Variants in TEKT5 observed in about 807,000 individuals in gnomAD.
TEKT5 encodes the protein tektin-5.
TEKT5 carries 52 observed loss-of-function variants against 48.7 expected under a neutral mutation model. The ratio of observed to expected loss-of-function variants is 1.07; its 90% CI spans 0.86 to 1.35. The LOEUF (loss-of-function observed/expected upper bound fraction) is 1.35, where lower values mean the gene tolerates loss of function less well. Among genes scored for constraint, TEKT5 ranks in the 40% most tolerant of loss-of-function variants. TEKT5 has a pLI of 0.00. For synonymous variants in TEKT5, 318 were observed against 267.6 expected, an observed-to-expected ratio of 1.19 and a Z score of -1.84; for missense variants, 831 against 641.6, an observed-to-expected ratio of 1.30 and a Z score of -3.19.
At chr16:10,663,937 C>A (rs4238601) in intron 5 of TEKT5, among the ~76,000 whole-genome samples, 1 of 151,968 alleles carries the variant, frequency 6.6e-6, no homozygotes, top group Non-Finnish European at 1.5e-5. Flanking sequence ...GTCAGGCCAG[C>A]ACATGCATCA....
rs749405752 is a variant in TEKT5, at chr16:10,694,342, A to G, written c.532T>C (p.Cys178Arg). ...NLETVKRRLE[C>R]AANEVNCPLQ... ...GGGCAGTTCACCTCATTGGCCGCGCACTCCAGCCGCCTCTTGACCGTCTCC... is the reference window on the plus strand; with the variant it reads ...GGGCAGTTCACCTCATTGGCCGCGCGCTCCAGCCGCCTCTTGACCGTCTCC... Residue 178 changes from cysteine to arginine, a missense_variant, in exon 1 of 7, where the codon TGC becomes CGC. Cys to Arg is a radical substitution (Grantham distance 180, BLOSUM62 -3). Transcript: ENST00000283025. 1.9e-6 allele frequency: 3 copies of G among 1,609,794 alleles called. No homozygotes were observed. The highest frequency in any genetic ancestry group is 2.5e-6 in the Non-Finnish European group (3 of 1,177,842).
rs1898529864 is a variant in TEKT5, at chr16:10,670,358, C to T, written c.1086+5601G>A. On this transcript the variant is annotated intron_variant, in intron 5 of 6. Coordinates refer to ENST00000283025, the MANE Select transcript of TEKT5 (RefSeq NM_144674.2). ...CCTGGTCAACATGGTGAAACCTCAT[C>T]TCTACTAAAAATACAAAAATTAGCC... 3.9e-5 allele frequency among the ~76,000 whole-genome samples: 6 copies of T among 152,166 alleles called. No homozygotes were observed. In the South Asian group the frequency reaches 1.2e-3, roughly 32 times the overall value.
At chr16:10,654,955 C>T (rs1431960746) in intron 5 of TEKT5, among the ~76,000 whole-genome samples, 1 of 126,556 alleles carries the variant, frequency 7.9e-6, no homozygotes, top group Admixed American at 8.0e-5. Context: ...CCCCCCCCCC[C>T]CAGTCTGTGA....
Position 10,637,709 on chromosome 16 carries a change from C to T in TEKT5, c.1087-1791G>A, listed in dbSNP as rs73507946. On this transcript the variant is annotated intron_variant, in intron 5 of 6. Transcript: ENST00000283025. ...TCCATCAAGCTGTAAGCTTTACTGA[C>T]TGTGATGCCTCAACAGAAAATACAA... Among the ~76,000 whole-genome samples, 394 of 152,354 alleles carry T rather than the reference C, an allele frequency of 2.6e-3. 4 individuals are homozygous for T. Among genetic ancestry groups the T allele is most frequent in the African/African-American group, 9.2e-3 (381 of 41,570 alleles).
intron 5 of TEKT5, among the ~76,000 whole-genome samples, chr16:10,669,300 C>A (rs1405197539): frequency 2.0e-5 from 3 of 148,878 alleles, no homozygotes; most frequent in African/African-American, 7.4e-5. Context: ...ACTAAATATA[C>A]AAAAAAAAAA....
At chr16:10,682,186 C>G (rs1222506504) in intron 3 of TEKT5, 50 bp from the exon 4 acceptor site, 1 of 1,588,378 alleles carries the variant, frequency 6.3e-7, no homozygotes, top group Non-Finnish European at 8.6e-7. Context: ...CACAGAGTAC[C>G]CAGCTTGGGC....
chr16:10,652,783 C>T (rs112223738), intron 5 of TEKT5, among the ~76,000 whole-genome samples: 23 of 110,224 alleles, frequency 2.1e-4, no homozygotes, highest in African/African-American at 3.6e-4. Context: ...CACACACACA[C>T]ACACACACAC....
At chr16:10,662,897 T>G (rs1255845025) in intron 5 of TEKT5, among the ~76,000 whole-genome samples, 4 of 152,184 alleles carry the variant, frequency 2.6e-5, no homozygotes, top group Non-Finnish European at 4.4e-5. Context: ...TAAGTAAAGC[T>G]CTCAGTAAGG....
chr16:10,672,239 A>G (rs1898560546), intron 5 of TEKT5, among the ~76,000 whole-genome samples: 1 of 152,176 alleles, frequency 6.6e-6, no homozygotes, highest in South Asian at 2.1e-4. Context: ...TAAGGCATTC[A>G]TTCATGCATG....
intron 5 of TEKT5, among the ~76,000 whole-genome samples, chr16:10,667,637 T>G (rs1898480539): frequency 6.6e-6 from 1 of 152,202 alleles, no homozygotes; most frequent in African/African-American, 2.4e-5. Context: ...TTAATCTGCT[T>G]TAAGTTTTTC....
At chr16:10,632,558 A>T (rs955611415) in intron 6 of TEKT5, among the ~76,000 whole-genome samples, 1 of 152,046 alleles carries the variant, frequency 6.6e-6, no homozygotes, top group Non-Finnish European at 1.5e-5. Flanking sequence ...AGCCTCCCAA[A>T]GTGCTGGGGT....
At chr16:10,643,013 G>A (rs749173675) in intron 5 of TEKT5, among the ~76,000 whole-genome samples, 17 of 152,142 alleles carry the variant, frequency 1.1e-4, no homozygotes, top group African/African-American at 3.6e-4. Flanking sequence ...TTGAGATGAC[G>A]GAAATGCAAG....
chr16:10,639,454 A>G lies in TEKT5; in HGVS notation c.1087-3536T>C, dbSNP rs1897960773. On this transcript the variant is annotated intron_variant, in intron 5 of 6. Transcript: ENST00000283025. ...CCAGGGGCCAAATCTTGGTATCACC[A>G]CTATACCTAAAAGACCTATACCTAT... is the stretch of plus-strand genomic sequence containing the variant. Among the ~76,000 whole-genome samples the G allele has an allele frequency of 3.3e-5, 5 of 152,324 alleles. No individual in the cohort carries two copies. In the South Asian group the frequency reaches 1.0e-3, roughly 32 times the overall value.
intron 5 of TEKT5, among the ~76,000 whole-genome samples, chr16:10,660,306 C>T (rs987249465): frequency 6.6e-6 from 1 of 152,190 alleles, no homozygotes; most frequent in Non-Finnish European, 1.5e-5. Context: ...AGGCAGGTGG[C>T]AGGTGGCTCT....
At chr16:10,691,641 C>A (rs950915066) in intron 1 of TEKT5, among the ~76,000 whole-genome samples, 1 of 151,986 alleles carries the variant, frequency 6.6e-6, no homozygotes, top group Non-Finnish European at 1.5e-5. Flanking sequence ...GGAGGAATTC[C>A]GGAATTAAGA....
Position 10,694,720 on chromosome 16 carries a change from G to C in TEKT5, c.154C>G (p.Pro52Ala), listed in dbSNP as rs746325602. The change falls in exon 1 of 7, where the codon CCT becomes GCT. Residue 52 changes from proline (P) to alanine (A), a missense_variant. Physicochemically the swap from Pro to Ala is conservative, Grantham distance 27. Transcript: ENST00000283025. Reference sequence around the variant, plus strand: ...TTGGCTATCTTGTAGAAGAGGCTAGGCCTCCATGAATTGAGGTAGCGGTAC... The same window carrying C: ...TTGGCTATCTTGTAGAAGAGGCTAGCCCTCCATGAATTGAGGTAGCGGTAC... ...PGYRYLNSWR[P>A]SLFYKIANVQ... is the part of the protein sequence containing the mutation. 1.9e-6 allele frequency: 3 copies of C among 1,614,088 alleles called. No homozygotes were observed. The Admixed American group carries it at 5.0e-5, about 27-fold the overall frequency.
intron 6 of TEKT5, among the ~76,000 whole-genome samples, chr16:10,628,356 G>A (rs1897786194): frequency 6.6e-6 from 1 of 152,204 alleles, no homozygotes; most frequent in African/African-American, 2.4e-5. Flanking sequence ...AACAGGATAG[G>A]AGACCAATCT....
rs57951184 is a variant in TEKT5, at chr16:10,662,869, G to C, written c.1086+13090C>G. On this transcript the variant is annotated intron_variant, in intron 5 of 6. Transcript: ENST00000283025. Reference sequence around the variant, plus strand: ...TAATAATAACCCCTTCTTCATGGGAGGGAAAGATAAGCTCACCTAAGTAAA... The same window carrying C: ...TAATAATAACCCCTTCTTCATGGGACGGAAAGATAAGCTCACCTAAGTAAA... 4.0e-3 allele frequency among the ~76,000 whole-genome samples: 609 copies of C among 152,308 alleles called. 3 individuals carry two copies. The highest frequency in any genetic ancestry group is 0.014 in the African/African-American group (575 of 41,568).
intron 5 of TEKT5, among the ~76,000 whole-genome samples, chr16:10,653,913 CAAAACAAAAACA>C (rs200359471): frequency 0.011 from 1,688 of 152,076 alleles, 31 homozygotes; most frequent in African/African-American, 0.038. Context: ...AACTCTGTCT[CAAAACAAAAACA>C]AAAACAAAAA....
Sources: gnomAD v4.1 joint callset for allele counts (sites outside exome capture counted in the v4.1 genomes callset) on GRCh38, gnomAD v4.1.1 for gene constraint, MANE v1.5 for transcripts, NCBI Gene and HGNC (gene_info 2026-07-23, HGNC 2026-07-21) for gene names.